The following UGCG variants were observed in gnomAD, a reference collection of about 807,000 sequenced individuals.
UGCG encodes UDP-glucose ceramide glucosyltransferase.
A neutral mutation model predicts 49.5 loss-of-function variants in UGCG; 10 were observed. The observed-to-expected ratio is 0.20, with a 90% CI of 0.12 to 0.34. The LOEUF (loss-of-function observed/expected upper bound fraction) is 0.34. Among genes scored for constraint, UGCG ranks in the 10% least tolerant of loss-of-function variants. UGCG has a pLI of 1.00. For missense variants in UGCG, 312 were observed against 483.7 expected, an observed-to-expected ratio of 0.65 and a Z score of 3.33; for synonymous variants, 182 against 158.2, an observed-to-expected ratio of 1.15 and a Z score of -1.13.
chr9:111,901,387 G>A (rs1215426350), intron 1 of UGCG, among the ~76,000 whole-genome samples: 1 of 152,170 alleles, frequency 6.6e-6, no homozygotes, highest in Non-Finnish European at 1.5e-5. Flanking sequence ...CTTGGACTGT[G>A]GTCAAACGTT....
Position 111,922,970 on chromosome 9 carries a change from A to C in UGCG, c.343+19A>C, listed in dbSNP as rs1225450592. On this transcript the variant is annotated intron_variant, in intron 3 of 8. Transcript: ENST00000374279. ...TTTATAGGTAAGTAACAAATTCTGT[A>C]GTAACCATTTTCCATTGATAGTATT... The C allele has an allele frequency of 4.0e-6, 6 of 1,513,098 alleles. No homozygotes were observed. The highest frequency in any genetic ancestry group is 5.5e-6 in the Non-Finnish European group (6 of 1,092,992). 93.7% of individuals were successfully genotyped at this position (1,513,098 alleles called of 1,614,324 possible).
chr9:111,922,534 A>G (rs1564203482), intron 2 of UGCG, among the ~76,000 whole-genome samples: 1 of 152,334 alleles, frequency 6.6e-6, no homozygotes, highest in East Asian at 1.9e-4. Context: ...AGTGATGGCC[A>G]TGGACAAGCT....
rs777208584 is a variant in UGCG at position 111,926,374 on chromosome 9, T to A, written c.446-10T>A. 10 of 1,583,044 alleles carry A rather than the reference T, an allele frequency of 6.3e-6. No individual in the cohort carries two copies. The highest frequency in any genetic ancestry group is 8.6e-6 in the Non-Finnish European group (10 of 1,162,948). On this transcript the variant is annotated splice_polypyrimidine_tract_variant and intron_variant, in intron 4 of 8. Transcript: ENST00000374279. ...TTTCTCCCCCTCTCTGCCTTTTTTT[T>A]AAATTGTAGTAATTCCAGATACGCT...
intron 1 of UGCG, among the ~76,000 whole-genome samples, chr9:111,903,482 T>C (rs1344338484): frequency 6.6e-6 from 1 of 152,168 alleles, no homozygotes; most frequent in Non-Finnish European, 1.5e-5. Context: ...GGAGAATCGC[T>C]TGAACCCAGG....
intron 5 of UGCG, among the ~76,000 whole-genome samples, chr9:111,926,805 A>G (rs1224331759): frequency 7.6e-6 from 1 of 131,948 alleles, no homozygotes; most frequent in Admixed American, 8.2e-5. Flanking sequence ...TCAGTTCTTT[A>G]TATTGTTCTT....
At chr9:111,907,234 T>G (rs1414484968) in intron 1 of UGCG, among the ~76,000 whole-genome samples, 2 of 152,232 alleles carry the variant, frequency 1.3e-5, no homozygotes, top group African/African-American at 4.8e-5. Context: ...GATGATAGCC[T>G]GTATCACACT....
At chr9:111,929,407 T>C (rs1273729198) in intron 5 of UGCG, 93 bp from the exon 6 acceptor site, 2 of 1,306,188 alleles carry the variant, frequency 1.5e-6, no homozygotes, top group African/African-American at 1.5e-5. Context: ...CACTCAATCA[T>C]ACTTATAAAA....
intron 2 of UGCG, among the ~76,000 whole-genome samples, chr9:111,922,595 A>G (rs2118571637): frequency 6.6e-6 from 1 of 152,292 alleles, no homozygotes; most frequent in Admixed American, 6.5e-5. Context: ...TGGGAATGGC[A>G]AGACTGCAGT....
intron 1 of UGCG, among the ~76,000 whole-genome samples, chr9:111,902,644 C>T (rs931953370): frequency 6.6e-6 from 1 of 152,174 alleles, no homozygotes; most frequent in South Asian, 2.1e-4. Flanking sequence ...AGATAAATTC[C>T]TAGAGTCAGA....
At chr9:111,915,894 G>GGA (rs1838101628) in intron 2 of UGCG, 1 of 929,542 alleles carries the variant, frequency 1.1e-6, no homozygotes, top group African/African-American at 1.8e-5. Context: ...TTATTGCTTT[G>GGA]GAGTTTTGGA....
chr9:111,916,006 A>G (rs533565862), intron 2 of UGCG, among the ~76,000 whole-genome samples: 223 of 152,218 alleles, frequency 1.5e-3, no homozygotes, highest in African/African-American at 5.0e-3. Flanking sequence ...TAGATATTTG[A>G]ATTAAATACA....
chr9:111,921,050 G>A (rs1037819149), intron 2 of UGCG, among the ~76,000 whole-genome samples: 7 of 151,924 alleles, frequency 4.6e-5, no homozygotes, highest in African/African-American at 1.7e-4. Context: ...TTATAGGCGC[G>A]TGCCACTACA....
intron 1 of UGCG, among the ~76,000 whole-genome samples, chr9:111,905,275 A>G (rs1265876455): frequency 2.0e-5 from 3 of 152,180 alleles, no homozygotes; most frequent in Non-Finnish European, 4.4e-5. Context: ...GCAAGTACAT[A>G]TGTAATCTAC....
chr9:111,918,817 C>T (rs1838159954), intron 2 of UGCG, among the ~76,000 whole-genome samples: 1 of 151,302 alleles, frequency 6.6e-6, no homozygotes, highest in Admixed American at 6.6e-5. Context: ...CCCAGCTACT[C>T]GGGAGGCTGA....
intron 1 of UGCG, among the ~76,000 whole-genome samples, chr9:111,904,614 A>G (rs1029814310): frequency 6.6e-6 from 1 of 152,196 alleles, no homozygotes; most frequent in Non-Finnish European, 1.5e-5. Context: ...TAATCCCAGC[A>G]CTTTGGGAGG....
At chr9:111,900,870 A>G (rs531093794) in intron 1 of UGCG, among the ~76,000 whole-genome samples, 2 of 151,542 alleles carry the variant, frequency 1.3e-5, no homozygotes, top group Admixed American at 6.6e-5. Context: ...GTTTATTGTT[A>G]TTTTTTTGAG....
At chr9:111,912,029 GAT>G (rs60468274) in intron 1 of UGCG, among the ~76,000 whole-genome samples, 1,470 of 64,614 alleles carry the variant, frequency 0.023, 185 homozygotes, top group African/African-American at 0.074. Flanking sequence ...TATTCAACAG[GAT>G]ATATATATAT....
chr9:111,922,415 T>C (rs1329931086), intron 2 of UGCG, among the ~76,000 whole-genome samples: 2 of 152,224 alleles, frequency 1.3e-5, no homozygotes, highest in Admixed American at 6.5e-5. Flanking sequence ...TGAAATAATA[T>C]TAAGTATAGA....
At chr9:111,908,285 CG>C (rs944914795) in intron 1 of UGCG, among the ~76,000 whole-genome samples, 3 of 152,120 alleles carry the variant, frequency 2.0e-5, no homozygotes, top group African/African-American at 7.2e-5. Flanking sequence ...TGTAACAACG[CG>C]GATGATTCTC....
Sources: allele counts gnomAD v4.1 joint callset (sites outside exome capture counted in the v4.1 genomes callset), GRCh38; gene constraint gnomAD v4.1.1; transcripts MANE v1.5; gene names NCBI Gene and HGNC (gene_info 2026-07-23, HGNC 2026-07-21).